EFNA5: variants seen among roughly 807,000 people sequenced by gnomAD.
EFNA5 encodes the protein ephrin-A5.
A neutral mutation model predicts 22.9 loss-of-function variants in EFNA5; 5 were observed. The observed-to-expected ratio is 0.22, with a 90% CI of 0.11 to 0.46. The LOEUF is 0.46. EFNA5 is among the 20% of genes least tolerant of loss of function. EFNA5 has a pLI of 0.99. For synonymous variants in EFNA5, 113 were observed against 112.2 expected, an observed-to-expected ratio of 1.01 and a Z score of -0.04; for missense variants, 237 against 293.3, an observed-to-expected ratio of 0.81 and a Z score of 1.40.
intron 1 of EFNA5, among the ~76,000 whole-genome samples, chr5:107,460,181 G>A (rs527432977): frequency 6.6e-6 from 1 of 152,240 alleles, no homozygotes; most frequent in South Asian, 2.1e-4. Context: ...TGGAATAAAA[G>A]CAGAACATAT....
intron 1 of EFNA5, among the ~76,000 whole-genome samples, chr5:107,651,546 G>C (rs1434361820): frequency 6.6e-6 from 1 of 152,044 alleles, no homozygotes; most frequent in Non-Finnish European, 1.5e-5. Flanking sequence ...CCTGGGAACA[G>C]AGCACAGCCG....
chr5:107,518,329 T>C (rs1186586138), intron 1 of EFNA5, among the ~76,000 whole-genome samples: 2 of 151,784 alleles, frequency 1.3e-5, no homozygotes, highest in African/African-American at 2.4e-5. Flanking sequence ...CCTTGTTTAC[T>C]AGGCTTGCTG....
chr5:107,648,947 A>T (rs937294271), intron 1 of EFNA5, among the ~76,000 whole-genome samples: 5 of 152,146 alleles, frequency 3.3e-5, no homozygotes, highest in African/African-American at 1.2e-4. Flanking sequence ...GGAGAAGTAA[A>T]TCATAAGTTT....
intron 2 of EFNA5, among the ~76,000 whole-genome samples, chr5:107,397,448 C>T (rs1366303203): frequency 6.6e-6 from 1 of 151,712 alleles, no homozygotes. Context: ...ACTCAGGAGG[C>T]TGAGGCAGAG....
chr5:107,403,514 C>T (rs867018844), intron 2 of EFNA5, among the ~76,000 whole-genome samples: 15 of 152,348 alleles, frequency 9.8e-5, no homozygotes, highest in Admixed American at 2.6e-4. Context: ...GCAAACATAA[C>T]ACTAGTTCTT....
chr5:107,422,579 AAGTCCC>A (rs1206244628), intron 2 of EFNA5, among the ~76,000 whole-genome samples: 1 of 152,218 alleles, frequency 6.6e-6, no homozygotes, highest in Non-Finnish European at 1.5e-5. Flanking sequence ...AGGGACAATA[AAGTCCC>A]CAGGTCCCGA....
At chr5:107,513,710 G>A (rs1324644804) in intron 1 of EFNA5, among the ~76,000 whole-genome samples, 2 of 152,198 alleles carry the variant, frequency 1.3e-5, no homozygotes, top group Non-Finnish European at 2.9e-5. Context: ...TTTCTGAACA[G>A]AAAGAGGCTG....
chr5:107,552,589 A>G (rs1174953973), intron 1 of EFNA5, among the ~76,000 whole-genome samples: 1 of 152,234 alleles, frequency 6.6e-6, no homozygotes, highest in East Asian at 1.9e-4. Context: ...AGAGCAGGGC[A>G]CTGTGAAAAA....
At chr5:107,543,246 T>C (rs1344571234) in intron 1 of EFNA5, among the ~76,000 whole-genome samples, 1 of 151,974 alleles carries the variant, frequency 6.6e-6, no homozygotes, top group Non-Finnish European at 1.5e-5. Context: ...GAAAACAAAG[T>C]AGAAGGGAAA....
At chr5:107,531,956 A>G in intron 1 of EFNA5, among the ~76,000 whole-genome samples, 1 of 152,216 alleles carries the variant, frequency 6.6e-6, no homozygotes, top group East Asian at 1.9e-4. Context: ...AATAAAAGGT[A>G]AAGTAGGTGG....
In EFNA5 at chr5:107,663,134, A is replaced by G. The variant is rs115862861; in HGVS notation, c.125+7355T>C. Among the ~76,000 whole-genome samples the G allele has an allele frequency of 7.9e-3, 1,210 of 152,224 alleles. 24 individuals carry two copies. The highest frequency in any genetic ancestry group is 0.027 in the African/African-American group (1,109 of 41,558). On this transcript the variant is annotated intron_variant, in intron 1 of 4. Coordinates refer to ENST00000333274, the MANE Select transcript of EFNA5 (RefSeq NM_001962.3). ...TGCCAAAATGATCATAAAGTGGTTT[A>G]GTCCTTTTCTATCGTCCATATTCAT...
At chr5:107,405,066 G>A (rs1748173028) in intron 2 of EFNA5, among the ~76,000 whole-genome samples, 1 of 152,164 alleles carries the variant, frequency 6.6e-6, no homozygotes, top group African/African-American at 2.4e-5. Flanking sequence ...TATGGCAGGA[G>A]GAAACAGGAA....
intron 2 of EFNA5, among the ~76,000 whole-genome samples, chr5:107,405,174 T>G (rs576612445): frequency 6.6e-6 from 1 of 152,326 alleles, no homozygotes; most frequent in East Asian, 1.9e-4. Flanking sequence ...CCTTGCCATC[T>G]CTGACCTCAC....
At chr5:107,490,081 C>A (rs943706806) in intron 1 of EFNA5, among the ~76,000 whole-genome samples, 1 of 152,160 alleles carries the variant, frequency 6.6e-6, no homozygotes, top group Non-Finnish European at 1.5e-5. Flanking sequence ...CTTGCTTGAA[C>A]CATGGGGGAC....
intron 1 of EFNA5, among the ~76,000 whole-genome samples, chr5:107,515,146 T>A (rs745717610): frequency 6.6e-6 from 1 of 152,102 alleles, no homozygotes; most frequent in Non-Finnish European, 1.5e-5. Context: ...GTGATTCTCC[T>A]GCCTCAGCCT....
intron 1 of EFNA5, among the ~76,000 whole-genome samples, chr5:107,647,226 A>T (rs1561459198): frequency 1.3e-5 from 2 of 152,170 alleles, no homozygotes; most frequent in Non-Finnish European, 2.9e-5. Context: ...CAATTCTGGA[A>T]ATTTAAGAGC....
intron 1 of EFNA5, among the ~76,000 whole-genome samples, chr5:107,640,752 A>G (rs1186350660): frequency 2.6e-5 from 4 of 152,202 alleles, no homozygotes; most frequent in Non-Finnish European, 4.4e-5. Context: ...TAAGCTACAA[A>G]TGCTTTCCTA....
At chr5:107,386,499 G>A (rs1747628791) in intron 4 of EFNA5, among the ~76,000 whole-genome samples, 1 of 152,156 alleles carries the variant, frequency 6.6e-6, no homozygotes, top group African/African-American at 2.4e-5. Flanking sequence ...GCTTTGGTAG[G>A]TTTTATTTTT....
intron 1 of EFNA5, among the ~76,000 whole-genome samples, chr5:107,578,969 A>C (rs1376974854): frequency 1.3e-5 from 2 of 152,114 alleles, no homozygotes; most frequent in Non-Finnish European, 2.9e-5. Flanking sequence ...ATAAGACAAA[A>C]TTTTAATTTT....
Sources: allele counts gnomAD v4.1 joint callset (sites outside exome capture counted in the v4.1 genomes callset), GRCh38; gene constraint gnomAD v4.1.1; transcripts MANE v1.5; gene names NCBI Gene and HGNC (gene_info 2026-07-23, HGNC 2026-07-21).